Variants in MYO3A observed in about 807,000 individuals in gnomAD.
MYO3A encodes the protein myosin-IIIa.
MYO3A carries 180 observed loss-of-function variants against 192.7 expected under a neutral mutation model. That is an observed-to-expected ratio of 0.93 (90% CI 0.83 to 1.06). MYO3A has a LOEUF of 1.06. Ranked by LOEUF, MYO3A falls within the 50% of genes least tolerant of loss-of-function variation. The pLI is 0.00. For missense variants in MYO3A, 1,896 were observed against 1,905.0 expected (o/e 1.00, Z 0.09); for synonymous variants, 628 against 645.3 (o/e 0.97, Z 0.41).
At chr10:26,009,055 G>T (rs572045236) in intron 6 of MYO3A, among the ~76,000 whole-genome samples, 1 of 151,804 alleles carries the variant, frequency 6.6e-6, no homozygotes, top group Non-Finnish European at 1.5e-5. Flanking sequence ...GCCATAAAAA[G>T]GATGAGTTCA....
intron 10 of MYO3A, among the ~76,000 whole-genome samples, chr10:26,056,960 G>GA (rs59183894): frequency 6.7e-5 from 10 of 150,230 alleles, no homozygotes; most frequent in African/African-American, 2.5e-4. Flanking sequence ...AGGACAGGAG[G>GA]AAAAAAAAAA....
intron 10 of MYO3A, among the ~76,000 whole-genome samples, chr10:26,028,487 G>A (rs535093228): frequency 1.1e-4 from 17 of 152,282 alleles, no homozygotes; most frequent in African/African-American, 3.1e-4. Context: ...AGATAATCAT[G>A]GGTCATCCAT....
intron 25 of MYO3A, among the ~76,000 whole-genome samples, chr10:26,156,715 A>G (rs1431973830): frequency 6.6e-6 from 1 of 152,088 alleles, no homozygotes; most frequent in African/African-American, 2.4e-5. Context: ...TTTTAAGTTC[A>G]GGGGTAAATG....
At chr10:26,067,372 A>C (rs1834918685) in intron 11 of MYO3A, among the ~76,000 whole-genome samples, 1 of 152,136 alleles carries the variant, frequency 6.6e-6, no homozygotes, top group African/African-American at 2.4e-5. Flanking sequence ...TCGCAGTGTA[A>C]GTTGTTAGGC....
At chr10:26,080,438 A>G (rs1443080739) in intron 14 of MYO3A, among the ~76,000 whole-genome samples, 2 of 149,538 alleles carry the variant, frequency 1.3e-5, no homozygotes, top group Non-Finnish European at 3.0e-5. Context: ...TTCTTGTATC[A>G]TTTTTCAGAT....
At chr10:26,060,521 A>G (rs1329239299) in intron 10 of MYO3A, among the ~76,000 whole-genome samples, 1 of 151,458 alleles carries the variant, frequency 6.6e-6, no homozygotes, top group African/African-American at 2.4e-5. Flanking sequence ...TCTAAAGCCA[A>G]TGCCCTTCCA....
At chr10:26,012,028 A>G (rs745839599) in intron 6 of MYO3A, among the ~76,000 whole-genome samples, 10 of 152,314 alleles carry the variant, frequency 6.6e-5, no homozygotes, top group Non-Finnish European at 1.5e-4. Context: ...ATGCAGAAAA[A>G]GCATTTAACA....
intron 6 of MYO3A, among the ~76,000 whole-genome samples, chr10:26,000,530 T>G (rs1348667285): frequency 2.0e-5 from 3 of 152,236 alleles, no homozygotes; most frequent in Non-Finnish European, 4.4e-5. Flanking sequence ...GAGGAAAGCC[T>G]ATCTCCTGAG....
chr10:26,040,787 T>C (rs754696182), intron 10 of MYO3A, among the ~76,000 whole-genome samples: 3 of 152,152 alleles, frequency 2.0e-5, no homozygotes, highest in Non-Finnish European at 4.4e-5. Flanking sequence ...TTAAAAAATA[T>C]TTTAAGACTT....
Position 26,014,838 on chromosome 10 carries a change from A to G in MYO3A, c.509-1982A>G, listed in dbSNP as rs73610384. 5.2e-3 allele frequency among the ~76,000 whole-genome samples: 788 copies of G among 152,244 alleles called. 5 individuals carry two copies. The highest frequency in any genetic ancestry group is 0.018 in the African/African-American group (732 of 41,564). ...AAAACTATGCTTTTCTCTCTGCTCT[A>G]TTGAGATGTCAAGGGTTATAGCAAA... On this transcript the variant is annotated intron_variant, in intron 6 of 34. Transcript: ENST00000642920.
chr10:26,057,936 C>G (rs2131323258), intron 10 of MYO3A, among the ~76,000 whole-genome samples: 1 of 142,566 alleles, frequency 7.0e-6, no homozygotes, highest in Middle Eastern at 3.8e-3. Context: ...TGTCAACATC[C>G]CACACCACAG....
intron 32 of MYO3A, among the ~76,000 whole-genome samples, chr10:26,200,484 A>G (rs1843632234): frequency 6.6e-6 from 1 of 152,222 alleles, no homozygotes; most frequent in Non-Finnish European, 1.5e-5. Flanking sequence ...CTGTGGCAAC[A>G]TGTAAATAGA....
chr10:26,052,218 G>A (rs1047032325), intron 10 of MYO3A, among the ~76,000 whole-genome samples: 2 of 152,148 alleles, frequency 1.3e-5, no homozygotes, highest in South Asian at 2.1e-4. Context: ...CTACTTTCAT[G>A]TATCACTTTT....
At chr10:26,114,093 C>T (rs1172582374) in intron 17 of MYO3A, among the ~76,000 whole-genome samples, 1 of 152,148 alleles carries the variant, frequency 6.6e-6, no homozygotes, top group African/African-American at 2.4e-5. Context: ...TTCCCTCCTC[C>T]CCAACCTCCC....
At chr10:26,188,290 CT>C (rs1842959050) in intron 31 of MYO3A, among the ~76,000 whole-genome samples, 1 of 152,274 alleles carries the variant, frequency 6.6e-6, no homozygotes, top group African/African-American at 2.4e-5. Context: ...TAAATGTCTT[CT>C]TTTGAGAAGT....
Position 26,082,681 on chromosome 10 carries a change from A to G in MYO3A, c.1360-5522A>G, listed in dbSNP as rs192330343. Among the ~76,000 whole-genome samples, 9 of 152,334 alleles carry G rather than the reference A, an allele frequency of 5.9e-5. No individual in the cohort carries two copies. In the East Asian group the frequency reaches 1.3e-3, roughly 23 times the overall value. ...AATTAGGCACAATAAGAGATTAACA[A>G]TAACTAAAAATAAAGTATAACACTA... is the stretch of plus-strand genomic sequence containing the variant. On this transcript the variant is annotated intron_variant, in intron 14 of 34. Transcript: ENST00000642920.
intron 25 of MYO3A, among the ~76,000 whole-genome samples, chr10:26,155,933 G>A (rs1312365938): frequency 6.6e-6 from 1 of 152,154 alleles, no homozygotes; most frequent in African/African-American, 2.4e-5. Flanking sequence ...TCTTCAGGCT[G>A]AAGTGAGAAA....
At chr10:25,983,448 G>C (rs577739272) in intron 4 of MYO3A, among the ~76,000 whole-genome samples, 1 of 151,950 alleles carries the variant, frequency 6.6e-6, no homozygotes, top group African/African-American at 2.4e-5. Context: ...TAATAGAGAC[G>C]GGGTTTCACC....
In MYO3A at chr10:25,996,572, A is replaced by G. The variant is rs938917028; in HGVS notation, c.386A>G (p.Tyr129Cys). 9.9e-6 allele frequency: 16 copies of G among 1,613,470 alleles called. No individual in the cohort carries two copies. Among genetic ancestry groups the G allele is most frequent in the African/African-American group, 2.7e-5 (2 of 74,932 alleles). Residue 129 changes from tyrosine to cysteine, a missense_variant, in exon 5 of 35, where the codon TAT becomes TGT. Coordinates refer to ENST00000642920, the MANE Select transcript of MYO3A (RefSeq NM_017433.5). Reference sequence around the variant, plus strand: ...AGAATGAGTGAGCCTCTAATTGCCTATATTTTACATGAAGCACTAATGGTA... The same window carrying G: ...AGAATGAGTGAGCCTCTAATTGCCTGTATTTTACATGAAGCACTAATGGTA... ...GERMSEPLIA[Y>C]ILHEALMGLQ...
Sources: allele counts gnomAD v4.1 joint callset (sites outside exome capture counted in the v4.1 genomes callset), GRCh38; gene constraint gnomAD v4.1.1; transcripts MANE v1.5; gene names NCBI Gene and HGNC (gene_info 2026-07-23, HGNC 2026-07-21).